BRAF: variants seen among roughly 807,000 people sequenced by gnomAD.
BRAF encodes the protein B-Raf proto-oncogene, serine/threonine kinase, also known as serine/threonine-protein kinase B-raf.
A neutral mutation model predicts 104.6 loss-of-function variants in BRAF; 16 were observed. The ratio of observed to expected loss-of-function variants is 0.15; its 90% CI spans 0.10 to 0.23. The LOEUF is 0.23. Ranked by LOEUF, BRAF falls within the 10% of genes least tolerant of loss-of-function variation. The pLI is 1.00. For missense variants in BRAF, 541 were observed against 937.3 expected, an observed-to-expected ratio of 0.58 and a Z score of 5.52; for synonymous variants, 310 against 341.6, an observed-to-expected ratio of 0.91 and a Z score of 1.02.
chr7:140,742,571 G>A (rs1797017647), intron 17 of BRAF, among the ~76,000 whole-genome samples: 1 of 152,162 alleles, frequency 6.6e-6, no homozygotes, highest in African/African-American at 2.4e-5. Flanking sequence ...TGATTTGCCA[G>A]AGAACCACTC....
intron 1 of BRAF, among the ~76,000 whole-genome samples, chr7:140,871,685 A>G (rs889859567): frequency 6.6e-6 from 1 of 152,224 alleles, no homozygotes; most frequent in Non-Finnish European, 1.5e-5. Context: ...GCCAAAAAGT[A>G]TAAGGATTCT....
chr7:140,782,869 T>C (rs1801014632), intron 11 of BRAF, 152 bp downstream of exon 10: 4 of 1,028,554 alleles, frequency 3.9e-6, no homozygotes, highest in Non-Finnish European at 5.5e-6. Context: ...AGAAATATGC[T>C]TTAAGCAAAA....
intron 1 of BRAF, among the ~76,000 whole-genome samples, chr7:140,914,316 C>A (rs1314339869): frequency 6.6e-6 from 1 of 152,192 alleles, no homozygotes; most frequent in Non-Finnish European, 1.5e-5. Flanking sequence ...GGCAAGCATT[C>A]AACTGAGTTC....
chr7:140,739,697 G>T, intron 18 of BRAF, 115 bp downstream of exon 17: 1 of 1,233,762 alleles, frequency 8.1e-7, no homozygotes, highest in Non-Finnish European at 1.2e-6. Flanking sequence ...CTTGTCTGGA[G>T]TCTGCACATA....
chr7:140,737,510 G>A (rs1252776358), intron 18 of BRAF, among the ~76,000 whole-genome samples: 1 of 151,980 alleles, frequency 6.6e-6, no homozygotes, highest in East Asian at 1.9e-4. Flanking sequence ...ATTTTCTATT[G>A]TTTGTTACTT....
chr7:140,768,715 T>C (rs982278480), intron 14 of BRAF, among the ~76,000 whole-genome samples: 5 of 152,146 alleles, frequency 3.3e-5, no homozygotes, highest in South Asian at 2.1e-4. Context: ...CAGGCTGGTC[T>C]CAAACTCCTG....
At chr7:140,878,008 C>T (rs1189209054) in intron 1 of BRAF, among the ~76,000 whole-genome samples, 1 of 152,046 alleles carries the variant, frequency 6.6e-6, no homozygotes, top group Non-Finnish European at 1.5e-5. Context: ...TAAGTAATTT[C>T]CAACTCACTT....
At chr7:140,858,158 C>G (rs1810010419) in intron 1 of BRAF, among the ~76,000 whole-genome samples, 1 of 152,092 alleles carries the variant, frequency 6.6e-6, no homozygotes, top group Non-Finnish European at 1.5e-5. Flanking sequence ...AAGTATTTCG[C>G]CACAGATTAA....
At chr7:140,816,360 T>C (rs1272400830) in intron 3 of BRAF, among the ~76,000 whole-genome samples, 2 of 152,234 alleles carry the variant, frequency 1.3e-5, no homozygotes, top group East Asian at 3.8e-4. Flanking sequence ...AGGGAAGGTC[T>C]AGCATTTACT....
intron 1 of BRAF, among the ~76,000 whole-genome samples, chr7:140,911,914 T>C (rs1259178176): frequency 6.6e-6 from 1 of 152,238 alleles, no homozygotes; most frequent in East Asian, 1.9e-4. Context: ...ATTGAGTGTT[T>C]AAATTGCCTG....
intron 7 of BRAF, among the ~76,000 whole-genome samples, chr7:140,798,272 C>CTTTTCTTTTTT (rs758569858): frequency 8.6e-6 from 1 of 115,624 alleles, no homozygotes; most frequent in African/African-American, 3.5e-5. Flanking sequence ...CTTTTTTTTT[C>CTTTTCTTTTTT]TTTTTTTTGA....
At chr7:140,906,087 C>CGAAAAAAAAAA (rs1816282699) in intron 1 of BRAF, among the ~76,000 whole-genome samples, 1 of 44,714 alleles carries the variant, frequency 2.2e-5, no homozygotes, top group Non-Finnish European at 4.2e-5. Flanking sequence ...GACTCCGTCT[C>CGAAAAAAAAAA]AAAAAAAAAA....
intron 14 of BRAF, among the ~76,000 whole-genome samples, chr7:140,759,361 T>TAC (rs538985581): frequency 5.9e-4 from 90 of 152,370 alleles, no homozygotes; most frequent in African/African-American, 2.1e-3. Flanking sequence ...TCCTTGATAA[T>TAC]ACTTTGTATT....
At chr7:140,741,034 G>C (rs1167556148) in intron 17 of BRAF, 1 of 152,166 alleles carries the variant, frequency 6.6e-6, no homozygotes, top group Non-Finnish European at 1.5e-5. Context: ...CAAGTGACAA[G>C]CAACAGCCAG....
intron 14 of BRAF, among the ~76,000 whole-genome samples, chr7:140,774,438 T>C (rs1016375097): frequency 5.3e-5 from 8 of 152,222 alleles, no homozygotes; most frequent in African/African-American, 1.9e-4. Flanking sequence ...TTGATAATGT[T>C]CTTCTTTACT....
chr7:140,835,087 T>C (rs1025505051), intron 2 of BRAF: 17 of 585,670 alleles, frequency 2.9e-5, no homozygotes, highest in Non-Finnish European at 4.8e-5. Flanking sequence ...ATATTACACC[T>C]GATAAATTTG....
intron 1 of BRAF, among the ~76,000 whole-genome samples, chr7:140,897,920 G>T (rs1815148619): frequency 6.6e-6 from 1 of 152,078 alleles, no homozygotes; most frequent in South Asian, 2.1e-4. Flanking sequence ...AAAGGCTAGG[G>T]CAGGAACAGT....
At chr7:140,825,525 T>C (rs959172247) in intron 3 of BRAF, among the ~76,000 whole-genome samples, 1 of 152,246 alleles carries the variant, frequency 6.6e-6, no homozygotes, top group African/African-American at 2.4e-5. Flanking sequence ...TGTTTTCTTC[T>C]GCAAATTTTA....
Position 140,924,443 on chromosome 7 carries a change from C to A in BRAF, c.138+123G>T, listed in dbSNP as rs1818632029. ...GGGGCGATGCCCACCTCCCAGCCCGCGGAGCTGGCCCGAGAAGGTGGCTGA... is the reference window on the plus strand; with the variant it reads ...GGGGCGATGCCCACCTCCCAGCCCGAGGAGCTGGCCCGAGAAGGTGGCTGA... On this transcript the variant is annotated intron_variant, in intron 1 of 19. Transcript: ENST00000644969. The surrounding 1 kb of genome is among the most constrained non-coding windows in gnomAD (Gnocchi z 4.2). 20 of 1,410,742 alleles carry A rather than the reference C, an allele frequency of 1.4e-5. No individual in the cohort carries two copies. The highest frequency in any genetic ancestry group is 4.1e-5 in the Admixed American group (2 of 48,560). 87.4% of individuals were successfully genotyped at this position (1,410,742 alleles called of 1,614,324 possible).
Sources: gnomAD v4.1 joint callset for allele counts (sites outside exome capture counted in the v4.1 genomes callset) on GRCh38, gnomAD v4.1.1 for gene constraint, Gnocchi (gnomAD v3.1) non-coding constraint, MANE v1.5 for transcripts, NCBI Gene and HGNC (gene_info 2026-07-23, HGNC 2026-07-21) for gene names.